Variants in BTRC observed in about 807,000 individuals in gnomAD.
The protein encoded by BTRC is F-box/WD repeat-containing protein 1A.
BTRC carries 42 observed loss-of-function variants against 85.5 expected under a neutral mutation model. The observed-to-expected ratio is 0.49, with a 90% CI of 0.38 to 0.64. The LOEUF (loss-of-function observed/expected upper bound fraction) is 0.64, where lower values mean the gene tolerates loss of function less well. BTRC is among the 30% of genes least tolerant of loss of function. The pLI, the probability that BTRC is intolerant of heterozygous loss-of-function variation, is 0.00. For synonymous variants in BTRC, 255 were observed against 263.3 expected (o/e 0.97, Z 0.30); for missense variants, 594 against 743.5 (o/e 0.80, Z 2.34).
intron 4 of BTRC, among the ~76,000 whole-genome samples, chr10:101,516,811 T>G (rs533238245): frequency 1.5e-4 from 23 of 152,342 alleles, no homozygotes; most frequent in African/African-American, 5.5e-4. Context: ...TGGAATAATT[T>G]CATTAAGCTG....
At chr10:101,522,014 C>CTTTTTTTTTTTTTTTTTTTT (rs1194237945) in intron 5 of BTRC, 144 bp downstream of exon 5, 2 of 64,424 alleles carry the variant, frequency 3.1e-5, no homozygotes, top group Non-Finnish European at 4.9e-5. Flanking sequence ...TGATATAAAG[C>CTTTTTTTTTTTTTTTTTTTT]TTTTTTTTTT....
chr10:101,387,878 C>T (rs1359514005), intron 1 of BTRC, among the ~76,000 whole-genome samples: 5 of 151,744 alleles, frequency 3.3e-5, no homozygotes, highest in South Asian at 2.1e-4. Flanking sequence ...TTAGGAGAGA[C>T]GGGGCTTTGC....
chr10:101,464,544 C>A (rs1405547898), intron 3 of BTRC, among the ~76,000 whole-genome samples: 2 of 135,932 alleles, frequency 1.5e-5, no homozygotes, highest in Non-Finnish European at 3.2e-5. Context: ...CCCCCCCACC[C>A]CCCCCATGGT....
chr10:101,523,310 G>C (rs963839216), intron 5 of BTRC, among the ~76,000 whole-genome samples: 4 of 152,136 alleles, frequency 2.6e-5, no homozygotes, highest in African/African-American at 9.7e-5. Context: ...CCTTGTTGTG[G>C]TGTTAAATAA....
intron 2 of BTRC, among the ~76,000 whole-genome samples, chr10:101,436,443 G>A (rs1489040618): frequency 1.3e-5 from 2 of 152,010 alleles, no homozygotes; most frequent in Admixed American, 6.6e-5. Context: ...CCAGGAGTTC[G>A]AGACCAGCCT....
intron 4 of BTRC, among the ~76,000 whole-genome samples, chr10:101,487,635 C>T (rs1353525552): frequency 2.0e-5 from 3 of 152,198 alleles, no homozygotes; most frequent in African/African-American, 7.2e-5. Flanking sequence ...AATATGGCAG[C>T]AGGTAATCCA....
At chr10:101,410,904 CTG>C (rs1300086267) in intron 1 of BTRC, among the ~76,000 whole-genome samples, 3 of 151,114 alleles carry the variant, frequency 2.0e-5, no homozygotes, top group African/African-American at 7.3e-5. Flanking sequence ...ATTATGAACA[CTG>C]TAACTTATTA....
At chr10:101,480,740 A>G (rs1245376152) in intron 4 of BTRC, among the ~76,000 whole-genome samples, 1 of 152,226 alleles carries the variant, frequency 6.6e-6, no homozygotes, top group African/African-American at 2.4e-5. Flanking sequence ...GAAATCATAC[A>G]TATAAGAAAT....
chr10:101,361,274 T>C (rs1031976647), intron 1 of BTRC, among the ~76,000 whole-genome samples: 36 of 151,940 alleles, frequency 2.4e-4, no homozygotes, highest in African/African-American at 8.2e-4. Flanking sequence ...ACCTGGCTAA[T>C]TTTTTGTATT....
intron 4 of BTRC, among the ~76,000 whole-genome samples, chr10:101,506,120 G>A (rs1386823363): frequency 6.6e-6 from 1 of 152,096 alleles, no homozygotes; most frequent in Non-Finnish European, 1.5e-5. Context: ...CACCATGTTG[G>A]TCAGGCTGAT....
chr10:101,477,122 A>C (rs973256561), intron 3 of BTRC, among the ~76,000 whole-genome samples: 1 of 152,092 alleles, frequency 6.6e-6, no homozygotes, highest in Non-Finnish European at 1.5e-5. Flanking sequence ...GATTACAGGC[A>C]TGCACCACCA....
chr10:101,552,806 A>T (rs1401304225), intron 14 of BTRC, among the ~76,000 whole-genome samples: 2 of 151,996 alleles, frequency 1.3e-5, no homozygotes, highest in Non-Finnish European at 2.9e-5. Context: ...GCTCATGGCC[A>T]CTCAAAAGGC....
At chr10:101,491,069 A>G (rs1319970782) in intron 4 of BTRC, among the ~76,000 whole-genome samples, 1 of 152,060 alleles carries the variant, frequency 6.6e-6, no homozygotes, top group Non-Finnish European at 1.5e-5. Flanking sequence ...AAAAAAAAAA[A>G]AAAACTCTCT....
At chr10:101,447,824 C>T (rs1182414046) in intron 2 of BTRC, among the ~76,000 whole-genome samples, 7 of 152,052 alleles carry the variant, frequency 4.6e-5, no homozygotes, top group Non-Finnish European at 8.8e-5. Context: ...TAAAAGGCCA[C>T]TTTAAAATTA....
intron 3 of BTRC, among the ~76,000 whole-genome samples, chr10:101,463,557 A>C (rs561671623): frequency 6.6e-6 from 1 of 152,208 alleles, no homozygotes; most frequent in East Asian, 1.9e-4. Context: ...ACTTGGATTT[A>C]TAGCATTGTT....
At chr10:101,440,107 A>AT (rs1944641790) in intron 2 of BTRC, among the ~76,000 whole-genome samples, 3 of 152,236 alleles carry the variant, frequency 2.0e-5, no homozygotes, top group African/African-American at 7.2e-5. Context: ...CATTATGCTT[A>AT]TATTAGTCCA....
chr10:101,499,197 A>G (rs1376519005), intron 4 of BTRC, among the ~76,000 whole-genome samples: 1 of 152,120 alleles, frequency 6.6e-6, no homozygotes, highest in Non-Finnish European at 1.5e-5. Flanking sequence ...TAGCTTGTAC[A>G]TGGCAGACAC....
chr10:101,366,481 A>G (rs898527942), intron 1 of BTRC, among the ~76,000 whole-genome samples: 2 of 152,056 alleles, frequency 1.3e-5, no homozygotes, highest in African/African-American at 2.4e-5. Context: ...GCGACAGGAA[A>G]AAAAAGTAAA....
chr10:101,457,426 A>C (rs1945111201), intron 2 of BTRC, among the ~76,000 whole-genome samples: 1 of 152,198 alleles, frequency 6.6e-6, no homozygotes, highest in Non-Finnish European at 1.5e-5. Context: ...GGACCAAGGG[A>C]TAATTCACAT....
Sources: allele counts gnomAD v4.1 joint callset (sites outside exome capture counted in the v4.1 genomes callset), GRCh38; gene constraint gnomAD v4.1.1; transcripts MANE v1.5; gene names NCBI Gene and HGNC (gene_info 2026-07-23, HGNC 2026-07-21).